SLC24A1: variants seen among roughly 807,000 people sequenced by gnomAD.
The protein encoded by SLC24A1 is solute carrier family 24 member 1.
In SLC24A1, 52 loss-of-function variants were observed where a neutral mutation model predicts 88.1. That is an observed-to-expected ratio of 0.59 (90% CI 0.47 to 0.74). SLC24A1 has a LOEUF of 0.74. Among genes scored for constraint, SLC24A1 ranks in the 30% least tolerant of loss-of-function variants. The pLI, the probability that SLC24A1 is intolerant of heterozygous loss-of-function variation, is 0.00. For missense variants in SLC24A1, 1,173 were observed against 1,363.3 expected, an observed-to-expected ratio of 0.86 and a Z score of 2.20; for synonymous variants, 455 against 498.0, an observed-to-expected ratio of 0.91 and a Z score of 1.15.
chr15:65,657,569 G>A (rs916383965), downstream of SLC24A1, among the ~76,000 whole-genome samples: 1 of 152,186 alleles, frequency 6.6e-6, no homozygotes, highest in Non-Finnish European at 1.5e-5. Flanking sequence ...CGTGAACCCC[G>A]GGGGGCGGAG....
At chr15:65,645,519 A>C in intron 5 of SLC24A1, 93 bp from the exon 6 acceptor site, 1 of 925,948 alleles carries the variant, frequency 1.1e-6, no homozygotes, top group East Asian at 2.6e-5. Context: ...CCTGAAGTCC[A>C]ATAGCCCTGT....
At position 65,624,834 on chromosome 15, in the gene SLC24A1, A is replaced by G. The variant is rs1395950499; in HGVS notation, c.754A>G (p.Met252Val). 1 of 1,613,470 alleles carries G rather than the reference A, an allele frequency of 6.2e-7. No individual in the cohort carries two copies. The highest frequency in any genetic ancestry group is 8.5e-7 in the Non-Finnish European group (1 of 1,179,342). Residue 252 changes from methionine (M) to valine (V), a missense_variant, in exon 2 of 10, where the codon ATG (methionine) becomes GTG (valine). Coordinates refer to ENST00000261892, the MANE Select transcript of SLC24A1 (RefSeq NM_004727.3). ...EETTPTTLKG[M>V]FDSTPTFLTH... Reference sequence around the variant, plus strand: ...AACCACCCCAACCACTCTCAAGGGAATGTTTGATAGCACCCCAACTTTTCT... The same window carrying G: ...AACCACCCCAACCACTCTCAAGGGAGTGTTTGATAGCACCCCAACTTTTCT...
chr15:65,623,165 C>G lies in SLC24A1; in HGVS notation c.-126-790C>G, dbSNP rs533448280. Among the ~76,000 whole-genome samples, 4 of 152,322 alleles carry G rather than the reference C, an allele frequency of 2.6e-5. No individual in the cohort carries two copies. In the South Asian group the frequency reaches 8.3e-4, roughly 32 times the overall value. On this transcript the variant is annotated intron_variant, in intron 1 of 9. Coordinates refer to ENST00000261892, the MANE Select transcript of SLC24A1 (RefSeq NM_004727.3). ...GCACATGATAAAAAGGTCAAACTAA[C>G]AGAATATACAGTGAAAATAAGTCAC... is the stretch of plus-strand genomic sequence containing the variant.
Position 65,624,305 on chromosome 15 carries a change from G to A in SLC24A1, c.225G>A (p.Met75Ile). The A allele has an allele frequency of 6.2e-7, 1 of 1,613,718 alleles. No individual in the cohort carries two copies. Among genetic ancestry groups the A allele is most frequent in the Non-Finnish European group, 8.5e-7 (1 of 1,179,784 alleles). Residue 75 changes from methionine to isoleucine, a missense_variant, in exon 2 of 10, where the codon ATG (methionine) becomes ATA (isoleucine). By Grantham distance (10) the Met-to-Ile change is conservative. Coordinates refer to ENST00000261892, the MANE Select transcript of SLC24A1 (RefSeq NM_004727.3). ...TCTCCAGTGAAGAGATGATGATGAT[G>A]AGCAGCAGCCCTTCAAAACCTAGCT... Reference protein sequence around the residue: ...RDLSSEEMMMMSSSPSKPSSE... With the variant: ...RDLSSEEMMMISSSPSKPSSE...
chr15:65,639,707 A>G lies in SLC24A1; in HGVS notation c.2053+4A>G. Reference sequence around the variant, plus strand: ...AGCCTGGACCCCCTGAGGGAAGGTAAGCAAGGCCTCTCCAGACCTTTGTGG... The same window carrying G: ...AGCCTGGACCCCCTGAGGGAAGGTAGGCAAGGCCTCTCCAGACCTTTGTGG... On this transcript the variant is annotated splice_donor_region_variant and intron_variant, in intron 4 of 9. Coordinates refer to ENST00000261892, the MANE Select transcript of SLC24A1 (RefSeq NM_004727.3). 1 of 1,593,018 alleles carries G rather than the reference A, an allele frequency of 6.3e-7. No individual in the cohort carries two copies. The highest frequency in any genetic ancestry group is 8.6e-7 in the Non-Finnish European group (1 of 1,164,230).
downstream of SLC24A1, chr15:65,659,723 G>C (rs1351405136): frequency 6.5e-6 from 1 of 152,876 alleles, no homozygotes; most frequent in Non-Finnish European, 1.5e-5. Flanking sequence ...GACTAAATCT[G>C]TGCAATAATA....
At chr15:65,634,740 C>CAAAAAAAAAAAAAAAAAACA (rs5813364) in intron 2 of SLC24A1, among the ~76,000 whole-genome samples, 1 of 90,538 alleles carries the variant, frequency 1.1e-5, no homozygotes, top group Non-Finnish European at 2.2e-5. Flanking sequence ...TCAAAAGCAC[C>CAAAAAAAAAAAAAAAAAACA]AAAAAAAAAA....
chr15:65,622,588 G>C (rs1257357340), intron 1 of SLC24A1, among the ~76,000 whole-genome samples: 1 of 152,096 alleles, frequency 6.6e-6, no homozygotes. Flanking sequence ...TTATTGTTTT[G>C]TAGTAGTTTG....
chr15:65,624,550 C>G lies in SLC24A1; in HGVS notation c.470C>G (p.Thr157Ser). 1 of 1,599,768 alleles carries G rather than the reference C, an allele frequency of 6.3e-7. No individual in the cohort carries two copies. Among genetic ancestry groups the G allele is most frequent in the Non-Finnish European group, 8.5e-7 (1 of 1,172,910 alleles). ...SSRTLTYYTS[T>S]SSRQIVKKYT... Reference sequence around the variant, plus strand: ...AGAACACTGACTTACTACACCTCAACTTCAAGCAGACAAATAGTAAAAAAG... The same window carrying G: ...AGAACACTGACTTACTACACCTCAAGTTCAAGCAGACAAATAGTAAAAAAG... The change falls in exon 2 of 10, where the codon ACT becomes AGT. Residue 157 changes from threonine (T) to serine (S), a missense_variant. Thr to Ser is a moderately conservative substitution (Grantham distance 58, BLOSUM62 1). Transcript: ENST00000261892.
intron 7 of SLC24A1, 58 bp from the exon 8 acceptor site, chr15:65,651,612 G>C: frequency 1.1e-6 from 1 of 883,124 alleles, no homozygotes; most frequent in Non-Finnish European, 1.9e-6. Flanking sequence ...GCTCAGAAGG[G>C]CCAAAGACCT....
chr15:65,612,359 G>A (rs560128875), intron 1 of SLC24A1: 1 of 152,472 alleles, frequency 6.6e-6, no homozygotes, highest in East Asian at 1.9e-4. Context: ...AGGATGGGGC[G>A]AGATTAGGAG....
At chr15:65,630,902 C>T (rs1324069930) in intron 2 of SLC24A1, among the ~76,000 whole-genome samples, 1 of 151,912 alleles carries the variant, frequency 6.6e-6, no homozygotes, top group Non-Finnish European at 1.5e-5. Context: ...ACCCAGCAGG[C>T]GGAGGTTGCA....
intron 2 of SLC24A1, among the ~76,000 whole-genome samples, chr15:65,631,706 G>A (rs61266928): frequency 0.012 from 1,857 of 152,304 alleles, 40 homozygotes; most frequent in African/African-American, 0.043. Flanking sequence ...GGAGCTATTA[G>A]TTTGGTGCAA....
downstream of SLC24A1, among the ~76,000 whole-genome samples, chr15:65,656,428 T>C (rs1015936723): frequency 2.0e-4 from 30 of 152,322 alleles, no homozygotes; most frequent in African/African-American, 7.2e-4. Flanking sequence ...TTTGGTGAGA[T>C]GGAAAACTTG....
rs565460341 is a variant in SLC24A1 at position 65,613,333 on chromosome 15, T to TG, written c.-228+724dup. On this transcript the variant is annotated intron_variant, in intron 2 of 11. Coordinates refer to the SLC24A1 transcript ENST00000537259. The stretch of plus-strand genomic sequence containing the variant: ...CATGGCTCTCACAGGGGCTAGGTAC[T>TG]GGGGAGCTCAAAGGGAAGTCTAGAT... 4.2e-3 allele frequency among the ~76,000 whole-genome samples: 640 copies of TG among 152,294 alleles called. 5 individuals are homozygous for TG. Among genetic ancestry groups the TG allele is most frequent in the Non-Finnish European group, 3.4e-3 (229 of 68,032 alleles).
chr15:65,627,401 T>C (rs2074556343), intron 2 of SLC24A1, among the ~76,000 whole-genome samples: 1 of 152,220 alleles, frequency 6.6e-6, no homozygotes, highest in African/African-American at 2.4e-5. Context: ...GAGCTTCTAT[T>C]GTGTCATTTG....
chr15:65,619,891 G>A (rs1010930387), upstream of SLC24A1, among the ~76,000 whole-genome samples: 3 of 151,866 alleles, frequency 2.0e-5, no homozygotes, highest in Non-Finnish European at 4.4e-5. Context: ...AGGCAATTTT[G>A]TAGAGCAAAT....
In SLC24A1 at chr15:65,624,194, T is replaced by C; in HGVS notation, c.114T>C (p.Tyr38=). Reference sequence around the variant, plus strand: ...GAATGTTGATCATCGGTTCTACTTATCAGCACCTTAGGAGACCCCGGGGCC... The same window carrying C: ...GAATGTTGATCATCGGTTCTACTTACCAGCACCTTAGGAGACCCCGGGGCC... ...LLGMLIIGST[Y]QHLRRPRGLS... Residue 38 remains tyrosine, a synonymous_variant, in exon 2 of 10, where the codon TAT becomes TAC. Coordinates refer to ENST00000261892, the MANE Select transcript of SLC24A1 (RefSeq NM_004727.3). 6.2e-7 allele frequency: 1 copy of C among 1,613,890 alleles called. No homozygotes were observed. Among genetic ancestry groups the C allele is most frequent in the Non-Finnish European group, 8.5e-7 (1 of 1,179,860 alleles).
intron 4 of SLC24A1, among the ~76,000 whole-genome samples, chr15:65,642,456 T>C (rs992102730): frequency 6.6e-6 from 1 of 152,136 alleles, no homozygotes; most frequent in African/African-American, 2.4e-5. Context: ...GAGTCTAGGC[T>C]GTGATGAGGA....
Sources: allele counts gnomAD v4.1 joint callset (sites outside exome capture counted in the v4.1 genomes callset), GRCh38; gene constraint gnomAD v4.1.1; transcripts MANE v1.5; gene names NCBI Gene and HGNC (gene_info 2026-07-23, HGNC 2026-07-21).